STK3: variants seen among roughly 807,000 people sequenced by gnomAD.
STK3 encodes the protein serine/threonine-protein kinase 3.
STK3 carries 41 observed loss-of-function variants against 58.0 expected under a neutral mutation model. The observed-to-expected ratio is 0.71, with a 90% confidence interval of 0.55 to 0.92. The LOEUF (loss-of-function observed/expected upper bound fraction) is 0.92, where lower values mean the gene tolerates loss of function less well. STK3 is among the 40% of genes least tolerant of loss of function. The pLI is 0.00. For synonymous variants in STK3, 170 were observed against 191.0 expected, an observed-to-expected ratio of 0.89 and a Z score of 0.91; for missense variants, 479 against 602.7, an observed-to-expected ratio of 0.79 and a Z score of 2.15.
At chr8:98,617,868 G>A (rs989868432) in intron 6 of STK3, among the ~76,000 whole-genome samples, 14 of 152,212 alleles carry the variant, frequency 9.2e-5, no homozygotes, top group East Asian at 3.9e-4. Context: ...ATTCACAGCC[G>A]AATTCTACCA....
chr8:98,540,394 T>C (rs1203317052), intron 9 of STK3, among the ~76,000 whole-genome samples: 3 of 152,204 alleles, frequency 2.0e-5, no homozygotes, highest in Non-Finnish European at 4.4e-5. Flanking sequence ...TGAGGCTGGT[T>C]ATTTGGACCC....
chr8:98,814,299 C>T (rs1426093264), intron 1 of STK3, among the ~76,000 whole-genome samples: 1 of 151,700 alleles, frequency 6.6e-6, no homozygotes, highest in African/African-American at 2.4e-5. Flanking sequence ...GATCCACCTG[C>T]CTCAACCTCC....
At chr8:98,770,693 G>A (rs1415793639) in intron 2 of STK3, among the ~76,000 whole-genome samples, 1 of 152,192 alleles carries the variant, frequency 6.6e-6, no homozygotes, top group African/African-American at 2.4e-5. Flanking sequence ...AGGGTCCAGA[G>A]GATACCAGCA....
chr8:98,562,634 T>C (rs1264166518), intron 8 of STK3, among the ~76,000 whole-genome samples: 2 of 146,032 alleles, frequency 1.4e-5, no homozygotes, highest in Non-Finnish European at 3.0e-5. Context: ...GTCAAAACTT[T>C]ACATCATAAA....
chr8:98,604,523 C>G (rs1447656532), intron 6 of STK3, among the ~76,000 whole-genome samples: 6 of 152,210 alleles, frequency 3.9e-5, no homozygotes, highest in African/African-American at 1.4e-4. Context: ...CCAGTGAAGA[C>G]TCTAACCCCA....
chr8:98,520,783 A>C (rs1825299651), intron 10 of STK3, among the ~76,000 whole-genome samples: 1 of 152,050 alleles, frequency 6.6e-6, no homozygotes, highest in Admixed American at 6.6e-5. Context: ...ATTTTTTAAC[A>C]TTCTGTAACT....
At chr8:98,704,328 C>G (rs1210563809) in intron 6 of STK3, among the ~76,000 whole-genome samples, 1 of 152,026 alleles carries the variant, frequency 6.6e-6, no homozygotes, top group Non-Finnish European at 1.5e-5. Context: ...TAAGACAGCT[C>G]ACAAACACAA....
At chr8:98,858,897 T>TAA (rs762055696) in intron 3 of STK3, among the ~76,000 whole-genome samples, 11 of 80,482 alleles carry the variant, frequency 1.4e-4, no homozygotes, top group South Asian at 7.7e-4. Context: ...AGACTCCATC[T>TAA]AAAAAAAAAA....
At chr8:98,615,235 C>T in intron 6 of STK3, among the ~76,000 whole-genome samples, 1 of 150,222 alleles carries the variant, frequency 6.7e-6, no homozygotes, top group Admixed American at 6.6e-5. Context: ...TTCCAACAGA[C>T]CTGCAGCTGA....
At chr8:98,388,632 T>A (rs1474398831), upstream of STK3, among the ~76,000 whole-genome samples, 5 of 152,208 alleles carry the variant, frequency 3.3e-5, no homozygotes, top group African/African-American at 1.2e-4. Flanking sequence ...TCCAGAATAT[T>A]TCAAATAACT....
intron 3 of STK3, among the ~76,000 whole-genome samples, chr8:98,874,850 C>G (rs201269423): frequency 6.6e-6 from 1 of 151,804 alleles, no homozygotes; most frequent in African/African-American, 2.4e-5. Flanking sequence ...TCTCAAACTC[C>G]TGGCCTTAAG....
chr8:98,698,607 T>A (rs1414718518), intron 6 of STK3, among the ~76,000 whole-genome samples: 1 of 152,210 alleles, frequency 6.6e-6, no homozygotes, highest in African/African-American at 2.4e-5. Flanking sequence ...GTATTTTATT[T>A]CTCCTTCACT....
chr8:98,359,536 A>AAGAAG, the STK3 span, among the ~76,000 whole-genome samples: 1 of 146,940 alleles, frequency 6.8e-6, no homozygotes, highest in Non-Finnish European at 1.5e-5. Flanking sequence ...AAAAAAAAAA[A>AAGAAG]GAAAGAAAGA....
At chr8:98,367,021 G>A (rs918208791), downstream of STK3, among the ~76,000 whole-genome samples, 1 of 152,220 alleles carries the variant, frequency 6.6e-6, no homozygotes, top group Admixed American at 6.5e-5. Context: ...AAAAGACAAA[G>A]TAGAGACTGG....
chr8:98,661,302 A>G (rs1429589034), intron 6 of STK3, among the ~76,000 whole-genome samples: 5 of 152,138 alleles, frequency 3.3e-5, no homozygotes, highest in Non-Finnish European at 1.5e-5. Context: ...ACTATCCCTC[A>G]CATGTCATAG....
intron 6 of STK3, among the ~76,000 whole-genome samples, chr8:98,698,462 T>C (rs573054548): frequency 0.018 from 2,668 of 152,316 alleles, 75 homozygotes; most frequent in African/African-American, 0.061. Context: ...CTAGCCTCGA[T>C]GGTCTTTACA....
At chr8:98,859,005 G>A (rs1445906628) in intron 3 of STK3, among the ~76,000 whole-genome samples, 1 of 151,930 alleles carries the variant, frequency 6.6e-6, no homozygotes, top group Non-Finnish European at 1.5e-5. Flanking sequence ...CCAACTCAGT[G>A]TCTATAAGAA....
chr8:98,903,547 CTTCTTCTTCCTTT>C (rs1303423675), intron 1 of STK3, among the ~76,000 whole-genome samples: 482 of 22,672 alleles, frequency 0.021, 22 homozygotes, highest in Admixed American at 0.052. Context: ...TCTTCTTCTT[CTTCTTCTTCCTTT>C]TTTTTTTTTT....
At chr8:98,474,309 T>C (rs1179011655) in intron 10 of STK3, among the ~76,000 whole-genome samples, 2 of 152,198 alleles carry the variant, frequency 1.3e-5, no homozygotes, top group Non-Finnish European at 2.9e-5. Context: ...TGTTTAAAAA[T>C]GTATACTGGG....
Sources: gnomAD v4.1 joint callset for allele counts (sites outside exome capture counted in the v4.1 genomes callset) on GRCh38, gnomAD v4.1.1 for gene constraint, MANE v1.5 for transcripts, NCBI Gene and HGNC (gene_info 2026-07-23, HGNC 2026-07-21) for gene names.